ZBTB20: variants seen among roughly 807,000 people sequenced by gnomAD.
ZBTB20 encodes zinc finger and BTB domain-containing protein 20.
In ZBTB20, 9 loss-of-function variants were observed where a neutral mutation model predicts 56.9. That is an observed-to-expected ratio of 0.16 (90% CI 0.10 to 0.28). ZBTB20 has a LOEUF of 0.28. Ranked by LOEUF, ZBTB20 falls within the 10% of genes least tolerant of loss-of-function variation. The pLI is 1.00. For synonymous variants in ZBTB20, 417 were observed against 420.7 expected (o/e 0.99, Z 0.11); for missense variants, 655 against 1,003.0 (o/e 0.65, Z 4.69).
At chr3:114,557,795 TAA>T (rs147300804) in intron 6 of ZBTB20, among the ~76,000 whole-genome samples, 4,629 of 152,146 alleles carry the variant, frequency 0.03, 87 homozygotes, top group Middle Eastern at 0.1. Flanking sequence ...GAGAAATGAT[TAA>T]GATAATTGTT....
At chr3:114,501,526 C>T (rs370112358) in intron 6 of ZBTB20, among the ~76,000 whole-genome samples, 57 of 149,064 alleles carry the variant, frequency 3.8e-4, no homozygotes, top group East Asian at 2.1e-3. Context: ...CTTGGGAGGC[C>T]GAGGCAGGAG....
At chr3:114,837,085 C>T (rs565838982) in intron 4 of ZBTB20, among the ~76,000 whole-genome samples, 3 of 152,174 alleles carry the variant, frequency 2.0e-5, no homozygotes, top group Non-Finnish European at 4.4e-5. Context: ...CCAGACTGCT[C>T]TGTTCCTACA....
At chr3:115,010,306 G>A (rs1053043748) in intron 2 of ZBTB20, among the ~76,000 whole-genome samples, 1 of 151,922 alleles carries the variant, frequency 6.6e-6, no homozygotes, top group Admixed American at 6.6e-5. Flanking sequence ...GTTACATCAG[G>A]CCTTAGGTGA....
intron 3 of ZBTB20, among the ~76,000 whole-genome samples, chr3:114,911,974 AT>A (rs2107712506): frequency 6.6e-6 from 1 of 151,928 alleles, no homozygotes; most frequent in Non-Finnish European, 1.5e-5. Context: ...TTATAACCAA[AT>A]TGTCAAAAGT....
intron 5 of ZBTB20, among the ~76,000 whole-genome samples, chr3:114,748,358 C>T (rs1484714561): frequency 3.7e-5 from 5 of 134,058 alleles, no homozygotes; most frequent in Admixed American, 7.7e-5. Context: ...TCTTTTCTCT[C>T]TCTCTCTCTC....
At chr3:114,680,298 T>A (rs114030763) in intron 6 of ZBTB20, among the ~76,000 whole-genome samples, 11,540 of 152,196 alleles carry the variant, frequency 0.076, 536 homozygotes, top group Non-Finnish European at 0.1. Flanking sequence ...AAAGTTTTTT[T>A]AAAAAATATG....
intron 6 of ZBTB20, among the ~76,000 whole-genome samples, chr3:114,655,215 T>G (rs1327014499): frequency 6.6e-6 from 1 of 151,272 alleles, no homozygotes; most frequent in Admixed American, 6.6e-5. Context: ...TGGGTTTTTG[T>G]CATTGTTATT....
At chr3:114,804,269 A>G (rs972403406) in intron 4 of ZBTB20, among the ~76,000 whole-genome samples, 1 of 151,986 alleles carries the variant, frequency 6.6e-6, no homozygotes, top group African/African-American at 2.4e-5. Context: ...TGAGAACTAC[A>G]GATCTTACCA....
In ZBTB20 at chr3:114,442,715, T is replaced by A. The variant is rs80035659; in HGVS notation, c.-254-53610A>T. Among the ~76,000 whole-genome samples, 903 of 152,274 alleles carry A rather than the reference T, an allele frequency of 5.9e-3. 5 individuals carry two copies. Among genetic ancestry groups the A allele is most frequent in the Non-Finnish European group, 9.5e-3 (649 of 68,020 alleles). On this transcript the variant is annotated intron_variant, in intron 7 of 11. Coordinates refer to ENST00000675478, the MANE Select transcript of ZBTB20 (RefSeq NM_001348800.3). ...TCTCTCTTCTGCCATGTTCATGTGA[T>A]CTACCTCTTTTTCGTTTTCTTGCTA...
At chr3:114,893,529 C>T (rs2076898146) in intron 4 of ZBTB20, among the ~76,000 whole-genome samples, 1 of 152,124 alleles carries the variant, frequency 6.6e-6, no homozygotes, top group African/African-American at 2.4e-5. Context: ...ATGTGCCTTG[C>T]TCTTTAGTGT....
intron 8 of ZBTB20, among the ~76,000 whole-genome samples, chr3:114,382,510 T>C (rs2084498528): frequency 6.6e-6 from 1 of 152,326 alleles, no homozygotes; most frequent in South Asian, 2.1e-4. Flanking sequence ...ACTTTGAATA[T>C]CCCATATTTC....
chr3:115,144,107 T>C (rs1287296527), intron 1 of ZBTB20, among the ~76,000 whole-genome samples: 1 of 152,224 alleles, frequency 6.6e-6, no homozygotes, highest in Non-Finnish European at 1.5e-5. Flanking sequence ...TATGATTATT[T>C]CAGAGACTAA....
chr3:115,022,990 A>C (rs2080267522), intron 2 of ZBTB20, among the ~76,000 whole-genome samples: 1 of 150,996 alleles, frequency 6.6e-6, no homozygotes, highest in African/African-American at 2.4e-5. Context: ...ATGAAGAAAC[A>C]ATGAGACCAG....
intron 1 of ZBTB20, among the ~76,000 whole-genome samples, chr3:115,134,131 C>G (rs765645803): frequency 1.3e-5 from 2 of 152,162 alleles, no homozygotes; most frequent in Non-Finnish European, 2.9e-5. Flanking sequence ...TCCTTAATAA[C>G]AAAGGCCTTT....
At chr3:114,455,852 G>A (rs1230787772) in intron 7 of ZBTB20, among the ~76,000 whole-genome samples, 2 of 152,100 alleles carry the variant, frequency 1.3e-5, no homozygotes, top group African/African-American at 4.8e-5. Context: ...CACTGAAGGC[G>A]ATTTGCAGAC....
chr3:114,842,358 G>A (rs1360361024), intron 4 of ZBTB20, among the ~76,000 whole-genome samples: 2 of 152,154 alleles, frequency 1.3e-5, no homozygotes, highest in South Asian at 2.1e-4. Flanking sequence ...GGCAAAACTC[G>A]AGAGTGGCAG....
chr3:114,928,012 T>C (rs1465910467), intron 3 of ZBTB20, among the ~76,000 whole-genome samples: 1 of 152,240 alleles, frequency 6.6e-6, no homozygotes, highest in East Asian at 1.9e-4. Flanking sequence ...TCAAAAAGTA[T>C]GGTTCCACCA....
chr3:114,369,235 C>T (rs1436982012), intron 10 of ZBTB20, among the ~76,000 whole-genome samples: 3 of 152,196 alleles, frequency 2.0e-5, no homozygotes, highest in Non-Finnish European at 4.4e-5. Flanking sequence ...CTACATGCCA[C>T]ACCAAGCTTT....
rs557934228 is a variant in ZBTB20 at position 114,689,362 on chromosome 3, T to C, written c.-295+4166A>G. Among the ~76,000 whole-genome samples, 15 of 152,252 alleles carry C rather than the reference T, an allele frequency of 9.9e-5. 1 individual carries two copies. In the East Asian group the frequency reaches 2.9e-3, roughly 29 times the overall value. Reference sequence around the variant, plus strand: ...GGTATCCTTAGGTCTAAAATGAAAATCTTGGTTGGTGGGGGTATCTGCCAA... The same window carrying C: ...GGTATCCTTAGGTCTAAAATGAAAACCTTGGTTGGTGGGGGTATCTGCCAA... On this transcript the variant is annotated intron_variant, in intron 6 of 11. Coordinates refer to ENST00000675478, the MANE Select transcript of ZBTB20 (RefSeq NM_001348800.3).
Sources: allele counts gnomAD v4.1 joint callset (sites outside exome capture counted in the v4.1 genomes callset), GRCh38; gene constraint gnomAD v4.1.1; transcripts MANE v1.5; gene names NCBI Gene and HGNC (gene_info 2026-07-23, HGNC 2026-07-21).